The following CDK20 variants were observed in gnomAD, a reference collection of about 807,000 sequenced individuals.
CDK20 encodes cyclin-dependent kinase 20.
A neutral mutation model predicts 38.6 loss-of-function variants in CDK20; 40 were observed. That is an observed-to-expected ratio of 1.04 (90% CI 0.81 to 1.35). The LOEUF is 1.35. Ranked by LOEUF, CDK20 falls within the 40% of genes most tolerant of loss-of-function variation. CDK20 has a pLI of 0.00. For synonymous variants in CDK20, 209 were observed against 185.7 expected (o/e 1.13, Z -1.02); for missense variants, 512 against 452.6 (o/e 1.13, Z -1.19).
intron 2 of CDK20, 150 bp downstream of exon 2, chr9:87,973,771 TA>T: frequency 1.4e-6 from 1 of 734,938 alleles, no homozygotes; most frequent in Non-Finnish European, 2.2e-6. Context: ...CAAAAGGGGG[TA>T]AGGAGGCAGA....
Position 87,968,597 on chromosome 9 carries a change from C to T in CDK20, c.843+597G>A, listed in dbSNP as rs1033613962. The T allele has an allele frequency of 4.2e-4, 64 of 152,994 alleles. 1 individual carries two copies. The highest frequency in any genetic ancestry group is 1.4e-3 in the African/African-American group (56 of 41,438). 9.5% of individuals were successfully genotyped at this position (152,994 alleles called of 1,614,324 possible). On this transcript the variant is annotated intron_variant, in intron 7 of 7. Coordinates refer to ENST00000325303, the MANE Select transcript of CDK20 (RefSeq NM_001039803.3). ...CTCTGCCCACCATTTCTCTCTTCAG[C>T]GAACACCTCCTCAAACATCTCATGC...
Position 87,967,607 on chromosome 9 carries a change from T to A in CDK20, c.896A>T (p.Glu299Val). 1.3e-6 allele frequency: 2 copies of A among 1,515,872 alleles called. No homozygotes were observed. The highest frequency in any genetic ancestry group is 8.9e-7 in the Non-Finnish European group (1 of 1,127,284). 93.9% of individuals were successfully genotyped at this position (1,515,872 alleles called of 1,614,324 possible). The change falls in exon 8 of 8, where the codon GAG becomes GTG. Residue 299 changes from glutamate (E) to valine (V), a missense_variant. By Grantham distance (121) the Glu-to-Val change is moderately radical. Transcript: ENST00000325303. ...FTAPLPAHPS[E>V]LPIPQRLGGP... is the part of the protein sequence containing the mutation. Reference sequence around the variant, plus strand: ...CCCTAGACGCTGAGGAATCGGCAGCTCAGATGGATGGGCAGGCAGGGGAGC... The same window carrying A: ...CCCTAGACGCTGAGGAATCGGCAGCACAGATGGATGGGCAGGCAGGGGAGC...
At position 87,974,457 on chromosome 9, in the gene CDK20, T is replaced by C. The variant is rs2118385787; in HGVS notation, c.-11A>G. 1 of 1,609,320 alleles carries C rather than the reference T, an allele frequency of 6.2e-7. No individual in the cohort carries two copies. The highest frequency in any genetic ancestry group is 8.5e-7 in the Non-Finnish European group (1 of 1,178,526). On this transcript the variant is annotated 5_prime_UTR_variant, in exon 1 of 8. Coordinates refer to ENST00000325303, the MANE Select transcript of CDK20 (RefSeq NM_001039803.3). ...GCAGTACTGGTCCATCCCGCTGCAG[T>C]CGTGGGCCTGTGCCCCTGTGCCCCT...
At chr9:87,974,227 G>A (rs2118373090) in intron 1 of CDK20, 145 bp downstream of exon 1, 7 of 1,219,602 alleles carry the variant, frequency 5.7e-6, no homozygotes, top group Middle Eastern at 2.0e-4. Context: ...GGAGGGAAGC[G>A]CAACGGCCCA....
chr9:87,971,832 C>T (rs1392524183), intron 2 of CDK20, among the ~76,000 whole-genome samples: 2 of 152,088 alleles, frequency 1.3e-5, no homozygotes, highest in Non-Finnish European at 2.9e-5. Context: ...TCTTAATGAA[C>T]TCACAGCACA....
intron 2 of CDK20, 74 bp from the exon 3 acceptor site, chr9:87,971,409 C>T (rs1445538090): frequency 1.2e-5 from 16 of 1,375,608 alleles, no homozygotes; most frequent in African/African-American, 4.3e-5. Flanking sequence ...GACCCCAGCC[C>T]ATGCCCTGAC....
At position 87,967,277 on chromosome 9, in the gene CDK20, A is replaced by G; in HGVS notation, c.*185T>C. 1 of 714,088 alleles carries G rather than the reference A, an allele frequency of 1.4e-6. No homozygotes were observed. The highest frequency in any genetic ancestry group is 1.5e-5 in the South Asian group (1 of 67,050). 44.2% of individuals were successfully genotyped at this position (714,088 alleles called of 1,614,324 possible). A position where few individuals can be genotyped will look rare whatever the true frequency, so the allele number is the denominator to read the frequency against. ...CTCCTCTGCTCGACTGGATGTTCTC[A>G]TACTCTTGGCTGGGAACATGACCTC... On this transcript the variant is annotated 3_prime_UTR_variant, in exon 8 of 8. Coordinates refer to ENST00000325303, the MANE Select transcript of CDK20 (RefSeq NM_001039803.3).
intron 5 of CDK20, chr9:87,970,202 ATCT>A (rs1312877365): frequency 2.3e-6 from 1 of 440,618 alleles, no homozygotes; most frequent in Non-Finnish European, 4.0e-6. Flanking sequence ...ACTGCCAACT[ATCT>A]TCTTGCTGCA....
chr9:87,974,255 G>A (rs1830073559), intron 1 of CDK20, 117 bp downstream of exon 1: 1 of 1,240,494 alleles, frequency 8.1e-7, no homozygotes, highest in African/African-American at 1.5e-5. Context: ...TTTAGAATAT[G>A]AGTAGGTTTT....
intron 2 of CDK20, 34 bp downstream of exon 2, chr9:87,973,888 G>A (rs1157403359): frequency 1.2e-6 from 2 of 1,600,610 alleles, no homozygotes; most frequent in African/African-American, 1.3e-5. Context: ...AGCGACTGAG[G>A]GTGAGAATAC....
At chr9:87,970,343 C>G in intron 5 of CDK20, 1 of 544,264 alleles carries the variant, frequency 1.8e-6, no homozygotes, top group South Asian at 2.9e-5. Flanking sequence ...GAAAGCTTCC[C>G]ACCTGGGACC....
intron 7 of CDK20, chr9:87,968,941 T>G: frequency 2.0e-6 from 1 of 512,784 alleles, no homozygotes; most frequent in Admixed American, 3.4e-5. Context: ...CGCGCTCTCC[T>G]GAGAGTTGGG....
chr9:87,970,615 G>A lies in CDK20; in HGVS notation c.516C>T (p.Pro172=), dbSNP rs142841498. ...ACTGGCGGGCACCATACAGGAGCTC[G>A]GGGGCTCGGTACCACCTGCGAGGAA... ...HQVATRWYRA[P]ELLYGARQYD... The change falls in exon 5 of 8, where the codon CCC becomes CCT. Residue 172 remains proline (P), a synonymous_variant. Coordinates refer to ENST00000325303, the MANE Select transcript of CDK20 (RefSeq NM_001039803.3). 26 of 1,613,888 alleles carry A rather than the reference G, an allele frequency of 1.6e-5. No homozygotes were observed. Among genetic ancestry groups the A allele is most frequent in the African/African-American group, 1.3e-4 (10 of 74,922 alleles).
intron 1 of CDK20, 51 bp downstream of exon 1, chr9:87,974,321 G>A (rs773648642): frequency 1.9e-6 from 3 of 1,557,070 alleles, no homozygotes; most frequent in African/African-American, 1.4e-5. Flanking sequence ...GTTAGCCGGA[G>A]GGTGGCGGGG....
chr9:87,974,323 G>T, intron 1 of CDK20, 49 bp downstream of exon 1: 1 of 1,554,050 alleles, frequency 6.4e-7, no homozygotes. Context: ...TAGCCGGAGG[G>T]TGGCGGGGGC....
chr9:87,969,004 G>T, intron 7 of CDK20, 190 bp downstream of exon 7: 1 of 626,540 alleles, frequency 1.6e-6, no homozygotes, highest in Non-Finnish European at 2.7e-6. Flanking sequence ...GTCCAGTGGG[G>T]TCTACTCATG....
chr9:87,970,971 T>C, intron 3 of CDK20, 74 bp from the exon 4 acceptor site: 1 of 1,595,186 alleles, frequency 6.3e-7, no homozygotes, highest in Non-Finnish European at 8.6e-7. Context: ...CTTGGCAGTC[T>C]AACCACTCAG....
chr9:87,967,023 C>T lies in CDK20; in HGVS notation c.*439G>A. ...CACATACTGAACTAGTGTTTAATGG[C>T]TCTGAGAATAAAACCAAACCAAATC... is the stretch of plus-strand genomic sequence containing the variant. On this transcript the variant is annotated 3_prime_UTR_variant, in exon 8 of 8. Coordinates refer to ENST00000325303, the MANE Select transcript of CDK20 (RefSeq NM_001039803.3). 1 of 512,988 alleles carries T rather than the reference C, an allele frequency of 1.9e-6. No individual in the cohort carries two copies. Among genetic ancestry groups the T allele is most frequent in the Admixed American group, 2.0e-5 (1 of 50,118 alleles). 31.8% of individuals were successfully genotyped at this position (512,988 alleles called of 1,614,324 possible).
Position 87,967,589 on chromosome 9 carries a change from C to G in CDK20, c.914G>C (p.Arg305Pro). The stretch of plus-strand genomic sequence containing the variant: ...GGCCTTGGGGGCAGGTCCCCCTAGA[C>G]GCTGAGGAATCGGCAGCTCAGATGG... ...AHPSELPIPQ[R>P]LGGPAPKAHP... is the part of the protein sequence containing the mutation. The change falls in exon 8 of 8, where the codon CGT (arginine) becomes CCT (proline). Residue 305 changes from arginine (R) to proline (P), a missense_variant. By Grantham distance (103) the Arg-to-Pro change is moderately radical. Transcript: ENST00000325303. 6.5e-7 allele frequency: 1 copy of G among 1,535,708 alleles called. No homozygotes were observed. Among genetic ancestry groups the G allele is most frequent in the Non-Finnish European group, 8.8e-7 (1 of 1,137,646 alleles).
Sources: gnomAD v4.1 joint callset for allele counts (sites outside exome capture counted in the v4.1 genomes callset) on GRCh38, gnomAD v4.1.1 for gene constraint, MANE v1.5 for transcripts, NCBI Gene and HGNC (gene_info 2026-07-23, HGNC 2026-07-21) for gene names.